SPIRE1: variants seen among roughly 807,000 people sequenced by gnomAD.
SPIRE1 encodes protein spire homolog 1.
In SPIRE1, 40 loss-of-function variants were observed where a neutral mutation model predicts 94.1. That is an observed-to-expected ratio of 0.43 (90% CI 0.33 to 0.55). The LOEUF (loss-of-function observed/expected upper bound fraction) is 0.55, where lower values mean the gene tolerates loss of function less well. Among genes scored for constraint, SPIRE1 ranks in the 20% least tolerant of loss-of-function variants. SPIRE1 has a pLI of 0.06. For synonymous variants in SPIRE1, 376 were observed against 371.7 expected, an observed-to-expected ratio of 1.01 and a Z score of -0.13; for missense variants, 838 against 975.2, an observed-to-expected ratio of 0.86 and a Z score of 1.87.
intron 1 of SPIRE1, among the ~76,000 whole-genome samples, chr18:12,644,395 A>G (rs1375867877): frequency 1.3e-5 from 2 of 152,170 alleles, no homozygotes; most frequent in African/African-American, 4.8e-5. Flanking sequence ...AGTTATAGTT[A>G]CATTGTTTTA....
intron 2 of SPIRE1, among the ~76,000 whole-genome samples, chr18:12,555,461 ATCAT>A (rs999182892): frequency 1.3e-5 from 2 of 152,240 alleles, no homozygotes; most frequent in African/African-American, 4.8e-5. Context: ...CATTAAAAAG[ATCAT>A]TCATCCTAAC....
At chr18:12,602,093 C>T (rs1311052058) in intron 2 of SPIRE1, among the ~76,000 whole-genome samples, 1 of 152,090 alleles carries the variant, frequency 6.6e-6, no homozygotes, top group Non-Finnish European at 1.5e-5. Flanking sequence ...GCACATATAA[C>T]GTTTACATAA....
At chr18:12,569,563 A>G (rs1426032511) in intron 2 of SPIRE1, among the ~76,000 whole-genome samples, 1 of 151,990 alleles carries the variant, frequency 6.6e-6, no homozygotes. Context: ...GACTTTGCAT[A>G]GATATATACT....
chr18:12,519,727 C>T (rs2034306798), intron 4 of SPIRE1, among the ~76,000 whole-genome samples: 1 of 152,098 alleles, frequency 6.6e-6, no homozygotes, highest in Non-Finnish European at 1.5e-5. Context: ...ATCTCATTTA[C>T]AATAAGACAA....
chr18:12,485,197 T>G (rs1460471387), intron 9 of SPIRE1, among the ~76,000 whole-genome samples: 3 of 150,598 alleles, frequency 2.0e-5, no homozygotes, highest in African/African-American at 4.9e-5. Flanking sequence ...CTCCGCCTCC[T>G]GGCTTCAAGC....
intron 2 of SPIRE1, among the ~76,000 whole-genome samples, chr18:12,558,928 CA>C (rs1222381789): frequency 6.6e-6 from 1 of 152,244 alleles, no homozygotes; most frequent in Non-Finnish European, 1.5e-5. Context: ...TTGAGCTAGA[CA>C]CAGACTGCTG....
intron 3 of SPIRE1, among the ~76,000 whole-genome samples, chr18:12,537,585 T>G (rs1012654441): frequency 2.0e-5 from 3 of 152,128 alleles, no homozygotes; most frequent in Admixed American, 6.6e-5. Context: ...CTAAAAAATG[T>G]TTTTTTAAAT....
chr18:12,502,342 T>C (rs960497667), intron 6 of SPIRE1, among the ~76,000 whole-genome samples: 5 of 152,150 alleles, frequency 3.3e-5, no homozygotes, highest in African/African-American at 1.2e-4. Flanking sequence ...CAAATAGAAA[T>C]GTTAATTATC....
At chr18:12,626,884 A>ATT (rs1375522904) in intron 2 of SPIRE1, among the ~76,000 whole-genome samples, 858 of 54,480 alleles carry the variant, frequency 0.016, 4 homozygotes, top group Middle Eastern at 0.049. Context: ...ATATATATAT[A>ATT]TATTTTTTTT....
At chr18:12,523,116 G>A (rs2034410738) in intron 4 of SPIRE1, among the ~76,000 whole-genome samples, 1 of 152,160 alleles carries the variant, frequency 6.6e-6, no homozygotes, top group South Asian at 2.1e-4. Context: ...AGGTCAAAAT[G>A]CAACATCAAC....
At chr18:12,453,529 G>T (rs1327371034) in intron 13 of SPIRE1, among the ~76,000 whole-genome samples, 5 of 151,738 alleles carry the variant, frequency 3.3e-5, no homozygotes, top group Non-Finnish European at 7.4e-5. Context: ...CGCCTCCTGG[G>T]TTCACGCCAT....
intron 2 of SPIRE1, among the ~76,000 whole-genome samples, chr18:12,551,253 T>C (rs968027448): frequency 2.6e-5 from 4 of 152,226 alleles, no homozygotes; most frequent in African/African-American, 9.6e-5. Context: ...CATACAGCAC[T>C]TGGTTCATAG....
chr18:12,631,897 T>C (rs921186550), intron 2 of SPIRE1, among the ~76,000 whole-genome samples: 3 of 151,984 alleles, frequency 2.0e-5, no homozygotes, highest in Non-Finnish European at 2.9e-5. Context: ...AATAAAAAAC[T>C]GTCCAGGTGT....
At chr18:12,660,887 A>G (rs1457433207), upstream of SPIRE1, among the ~76,000 whole-genome samples, 1 of 152,240 alleles carries the variant, frequency 6.6e-6, no homozygotes, top group Non-Finnish European at 1.5e-5. Flanking sequence ...CTCTACACAA[A>G]ATAAAGGAAA....
At chr18:12,555,679 A>G (rs2035484450) in intron 2 of SPIRE1, among the ~76,000 whole-genome samples, 1 of 152,230 alleles carries the variant, frequency 6.6e-6, no homozygotes, top group Admixed American at 6.5e-5. Flanking sequence ...TCAAAACAAT[A>G]AAAGGCATAT....
At chr18:12,530,607 C>T (rs1280072391) in intron 4 of SPIRE1, among the ~76,000 whole-genome samples, 3 of 152,096 alleles carry the variant, frequency 2.0e-5, no homozygotes, top group African/African-American at 4.8e-5. Context: ...AGCCACTGAG[C>T]GCCAGGCCTT....
chr18:12,484,674 ACATCT>A (rs967316266), intron 9 of SPIRE1, among the ~76,000 whole-genome samples: 7 of 152,222 alleles, frequency 4.6e-5, no homozygotes, highest in East Asian at 1.9e-4. Flanking sequence ...ATTTGTGCCA[ACATCT>A]CATCTCATTT....
intron 6 of SPIRE1, among the ~76,000 whole-genome samples, chr18:12,506,164 T>A (rs1055906488): frequency 1.3e-5 from 2 of 152,156 alleles, no homozygotes; most frequent in Non-Finnish European, 2.9e-5. Context: ...TAGTTTTTTG[T>A]TTTTCTTTTT....
intron 2 of SPIRE1, among the ~76,000 whole-genome samples, chr18:12,630,468 C>T (rs753435777): frequency 1.3e-5 from 2 of 152,102 alleles, no homozygotes; most frequent in Admixed American, 6.6e-5. Context: ...AGACCAGCCT[C>T]GCCAACACGG....
Sources: allele counts gnomAD v4.1 joint callset (sites outside exome capture counted in the v4.1 genomes callset), GRCh38; gene constraint gnomAD v4.1.1; transcripts MANE v1.5; gene names NCBI Gene and HGNC (gene_info 2026-07-23, HGNC 2026-07-21).